WDPCP: variants seen among roughly 807,000 people sequenced by gnomAD.
WDPCP encodes WD repeat-containing and planar cell polarity effector protein fritz homolog.
Under a neutral mutation model 93.1 loss-of-function variants are expected in WDPCP, and 71 were observed. That is an observed-to-expected ratio of 0.76 (90% CI 0.63 to 0.93). The LOEUF is 0.93. WDPCP is among the 40% of genes least tolerant of loss of function. WDPCP has a pLI of 0.00. For missense variants in WDPCP, 844 were observed against 887.4 expected, an observed-to-expected ratio of 0.95 and a Z score of 0.62; for synonymous variants, 315 against 315.0, an observed-to-expected ratio of 1.00 and a Z score of 0.00.
intron 1 of WDPCP, chr2:63,518,294 G>A (rs1487092976): frequency 6.6e-6 from 1 of 152,542 alleles, no homozygotes. Context: ...AGTGGACAGA[G>A]GGAAGACACA....
intron 6 of WDPCP, among the ~76,000 whole-genome samples, chr2:63,464,536 T>C (rs1288863324): frequency 6.6e-6 from 1 of 152,074 alleles, no homozygotes; most frequent in Non-Finnish European, 1.5e-5. Flanking sequence ...ATTCTGGGTA[T>C]ACATCCAAAA....
intron 6 of WDPCP, among the ~76,000 whole-genome samples, chr2:63,475,403 G>A (rs1191794683): frequency 6.6e-6 from 1 of 151,906 alleles, no homozygotes. Flanking sequence ...ACTTTAATCA[G>A]CAACAACCTC....
At chr2:63,606,010 AT>A in intron 3 of WDPCP, 1 of 1,614,002 alleles carries the variant, frequency 6.2e-7, no homozygotes, top group Non-Finnish European at 8.5e-7. Flanking sequence ...TGCTCTACTC[AT>A]TCCCTGTTGT....
intron 12 of WDPCP, among the ~76,000 whole-genome samples, chr2:63,355,660 A>G (rs1320546530): frequency 6.6e-6 from 1 of 152,092 alleles, no homozygotes; most frequent in Non-Finnish European, 1.5e-5. Context: ...CAGGTGGATC[A>G]CTTGAGGTCA....
At chr2:63,146,078 T>C (rs560593086) in intron 17 of WDPCP, among the ~76,000 whole-genome samples, 79 of 152,300 alleles carry the variant, frequency 5.2e-4, no homozygotes, top group South Asian at 2.1e-3. Flanking sequence ...ACTGCTGAAG[T>C]TGTTTATCAG....
At chr2:63,769,849 G>A (rs550265561) in intron 2 of WDPCP, among the ~76,000 whole-genome samples, 72 of 151,964 alleles carry the variant, frequency 4.7e-4, no homozygotes, top group African/African-American at 1.6e-3. Flanking sequence ...CTGTGTGAGG[G>A]ATACAGAATT....
At chr2:63,682,211 G>A (rs950614893) in intron 2 of WDPCP, among the ~76,000 whole-genome samples, 1 of 152,200 alleles carries the variant, frequency 6.6e-6, no homozygotes, top group Non-Finnish European at 1.5e-5. Flanking sequence ...GACCAATCAT[G>A]GAGAAACAGG....
At chr2:63,129,181 A>G (rs1314894402) in intron 17 of WDPCP, among the ~76,000 whole-genome samples, 1 of 152,212 alleles carries the variant, frequency 6.6e-6, no homozygotes, top group Non-Finnish European at 1.5e-5. Context: ...TTAATCTGTC[A>G]GTGGCCATTT....
At chr2:63,153,623 T>A in intron 15 of WDPCP, 49 bp from the exon 16 acceptor site, 5 of 1,390,052 alleles carry the variant, frequency 3.6e-6, no homozygotes, top group Non-Finnish European at 3.0e-6. Context: ...AAAAAGAAAA[T>A]TTTAAGGTTA....
intron 1 of WDPCP, among the ~76,000 whole-genome samples, chr2:63,552,467 T>C (rs1320170322): frequency 6.6e-6 from 1 of 152,190 alleles, no homozygotes. Context: ...TAATTCAACT[T>C]AAAAAATAGC....
chr2:63,805,548 T>A (rs1670751789), intron 2 of WDPCP, among the ~76,000 whole-genome samples: 1 of 152,170 alleles, frequency 6.6e-6, no homozygotes, highest in Admixed American at 6.5e-5. Context: ...CACCCAATTA[T>A]GATCTGCAGA....
At chr2:63,711,151 C>G (rs936292787) in intron 2 of WDPCP, among the ~76,000 whole-genome samples, 2 of 152,146 alleles carry the variant, frequency 1.3e-5, no homozygotes, top group Admixed American at 6.5e-5. Context: ...AAAAGTTTAT[C>G]TCTCCTGAGG....
At chr2:63,237,905 T>C (rs1336587409) in intron 14 of WDPCP, among the ~76,000 whole-genome samples, 1 of 151,318 alleles carries the variant, frequency 6.6e-6, no homozygotes, top group East Asian at 1.9e-4. Flanking sequence ...ACAGGGTCAA[T>C]AGAAGCCGAA....
chr2:63,384,616 T>G (rs1237683496), intron 10 of WDPCP, among the ~76,000 whole-genome samples: 1 of 151,942 alleles, frequency 6.6e-6, no homozygotes, highest in African/African-American at 2.4e-5. Flanking sequence ...CCAGGAACAG[T>G]GGCATACACC....
chr2:63,396,497 T>C (rs935510706), intron 10 of WDPCP, among the ~76,000 whole-genome samples: 12 of 152,128 alleles, frequency 7.9e-5, no homozygotes, highest in Non-Finnish European at 1.3e-4. Flanking sequence ...TATGAGGGCA[T>C]TGTGGGGACA....
intron 13 of WDPCP, among the ~76,000 whole-genome samples, chr2:63,305,298 G>A (rs58718173): frequency 0.015 from 2,272 of 152,172 alleles, 61 homozygotes; most frequent in African/African-American, 0.052. Flanking sequence ...CTCCTGACTG[G>A]GAGACATCTC....
chr2:63,829,269 C>T (rs1671159622), upstream of WDPCP, among the ~76,000 whole-genome samples: 1 of 152,066 alleles, frequency 6.6e-6, no homozygotes, highest in African/African-American at 2.4e-5. Flanking sequence ...ATTTCTTTTT[C>T]CTTCTTGTCT....
At chr2:63,593,096 T>C (rs527609582), upstream of WDPCP, 26 of 152,990 alleles carry the variant, frequency 1.7e-4, no homozygotes, top group African/African-American at 6.3e-4. Context: ...TTTTTTTGTT[T>C]GTTGTTTTTT....
intron 3 of WDPCP, among the ~76,000 whole-genome samples, chr2:63,604,163 A>C (rs13419067): frequency 0.07 from 10,659 of 152,328 alleles, 1,137 homozygotes; most frequent in African/African-American, 0.23. Context: ...AAATGAGGAC[A>C]GTCATATCTT....
Sources: allele counts gnomAD v4.1 joint callset (sites outside exome capture counted in the v4.1 genomes callset), GRCh38; gene constraint gnomAD v4.1.1; transcripts MANE v1.5; gene names NCBI Gene and HGNC (gene_info 2026-07-23, HGNC 2026-07-21).